DLGAP2: variants seen among roughly 807,000 people sequenced by gnomAD.
The protein encoded by DLGAP2 is disks large-associated protein 2.
DLGAP2 carries 26 observed loss-of-function variants against 100.3 expected under a neutral mutation model. The ratio of observed to expected loss-of-function variants is 0.26; its 90% confidence interval spans 0.19 to 0.36. DLGAP2 has a LOEUF of 0.36. Ranked by LOEUF, DLGAP2 falls within the 10% of genes least tolerant of loss-of-function variation. The probability of loss-of-function intolerance (pLI) is 1.00; values close to 1 mark genes in which losing one functional copy is unlikely to be tolerated. For missense variants in DLGAP2, 1,858 were observed against 1,453.2 expected, an observed-to-expected ratio of 1.28 and a Z score of -4.53; for synonymous variants, 886 against 630.1, an observed-to-expected ratio of 1.41 and a Z score of -6.08.
intron 1 of DLGAP2, chr8:739,291 G>C (rs915289839): frequency 1.7e-4 from 26 of 152,280 alleles, no homozygotes; most frequent in Admixed American, 1.5e-3. Context: ...GGCGGACAGA[G>C]ACCCGGTCCC....
intron 6 of DLGAP2, among the ~76,000 whole-genome samples, chr8:1,572,296 C>T (rs1275583452): frequency 4.9e-5 from 4 of 81,182 alleles, no homozygotes; most frequent in Admixed American, 1.7e-4. Flanking sequence ...ACTGTGGGGG[C>T]ATCTGATGAG....
At chr8:1,271,707 G>C (rs376282163) in intron 3 of DLGAP2, among the ~76,000 whole-genome samples, 6 of 152,220 alleles carry the variant, frequency 3.9e-5, no homozygotes, top group East Asian at 1.9e-4. Flanking sequence ...CAGGGCTCAG[G>C]GGGAGGGGAA....
At chr8:1,088,431 A>G (rs1005018319) in intron 2 of DLGAP2, among the ~76,000 whole-genome samples, 7 of 152,092 alleles carry the variant, frequency 4.6e-5, no homozygotes, top group African/African-American at 1.4e-4. Context: ...TCCATCTTCT[A>G]TGGCAGTTGA....
At chr8:971,221 A>C (rs1300734689) in intron 2 of DLGAP2, among the ~76,000 whole-genome samples, 1 of 152,220 alleles carries the variant, frequency 6.6e-6, no homozygotes, top group African/African-American at 2.4e-5. Context: ...TGTATCCAGA[A>C]TTCATAAAGA....
At chr8:1,050,803 G>A (rs1274838141) in intron 2 of DLGAP2, among the ~76,000 whole-genome samples, 3 of 152,206 alleles carry the variant, frequency 2.0e-5, no homozygotes, top group Non-Finnish European at 4.4e-5. Context: ...GAGTCAGGAG[G>A]TCTGTGGAGG....
chr8:1,186,891 C>T (rs143110460), intron 2 of DLGAP2, among the ~76,000 whole-genome samples: 140 of 152,276 alleles, frequency 9.2e-4, no homozygotes, highest in Non-Finnish European at 1.4e-3. Flanking sequence ...CTACCGCATC[C>T]ACCCCATATC....
At chr8:1,141,244 G>C (rs960866570) in intron 2 of DLGAP2, among the ~76,000 whole-genome samples, 2 of 152,146 alleles carry the variant, frequency 1.3e-5, no homozygotes, top group Non-Finnish European at 2.9e-5. Flanking sequence ...TTAGAGAAAG[G>C]TGTTCGTTTC....
At chr8:1,374,829 G>T (rs1325667914) in intron 3 of DLGAP2, among the ~76,000 whole-genome samples, 12 of 152,178 alleles carry the variant, frequency 7.9e-5, no homozygotes. Context: ...GGCCACTCAG[G>T]AAAGCAACTG....
At chr8:1,554,757 C>G (rs1264751451) in intron 5 of DLGAP2, among the ~76,000 whole-genome samples, 5 of 152,080 alleles carry the variant, frequency 3.3e-5, no homozygotes, top group Non-Finnish European at 7.4e-5. Flanking sequence ...GCAGGAAGGA[C>G]CCACGCGCCC....
At chr8:1,125,556 G>T (rs937277538) in intron 2 of DLGAP2, among the ~76,000 whole-genome samples, 1 of 151,978 alleles carries the variant, frequency 6.6e-6, no homozygotes, top group African/African-American at 2.4e-5. Flanking sequence ...TTAAAAATAG[G>T]GGCTATTTCT....
intron 2 of DLGAP2, chr8:1,003,298 C>A (rs1481884599): frequency 6.6e-6 from 1 of 152,316 alleles, no homozygotes; most frequent in African/African-American, 2.4e-5. Flanking sequence ...TATGGCCTCA[C>A]TATCAGGTGG....
At chr8:987,488 C>T (rs1385988501) in intron 2 of DLGAP2, among the ~76,000 whole-genome samples, 1 of 152,194 alleles carries the variant, frequency 6.6e-6, no homozygotes, top group Non-Finnish European at 1.5e-5. Context: ...AGGCCCAGCA[C>T]AGTTCTGCCG....
intron 1 of DLGAP2, among the ~76,000 whole-genome samples, chr8:810,901 C>G (rs539834024): frequency 6.6e-6 from 1 of 152,244 alleles, no homozygotes; most frequent in East Asian, 1.9e-4. Context: ...GATCCTTTGT[C>G]AATGTTGACA....
At position 1,071,764 on chromosome 8, in the gene DLGAP2, T is replaced by G. The variant is rs549382924; in HGVS notation, c.73+163798T>G. Among the ~76,000 whole-genome samples the G allele has an allele frequency of 2.6e-5, 4 of 152,354 alleles. No individual in the cohort carries two copies. In the South Asian group the frequency reaches 6.2e-4, roughly 24 times the overall value. ...TTTTCCTAATATGTGTGTGTATAGATAAATGTCAGTGAAGTGAATATGTGT... is the reference window on the plus strand; with the variant it reads ...TTTTCCTAATATGTGTGTGTATAGAGAAATGTCAGTGAAGTGAATATGTGT... On this transcript the variant is annotated intron_variant, in intron 2 of 14. Coordinates refer to ENST00000637795, the MANE Select transcript of DLGAP2 (RefSeq NM_001346810.2).
intron 2 of DLGAP2, among the ~76,000 whole-genome samples, chr8:1,072,116 A>C (rs1431201685): frequency 6.6e-6 from 1 of 152,136 alleles, no homozygotes; most frequent in Non-Finnish European, 1.5e-5. Flanking sequence ...TGTGCCACCA[A>C]CCACCGTCAA....
chr8:880,496 G>A (rs1428071624), intron 1 of DLGAP2, among the ~76,000 whole-genome samples: 15 of 129,812 alleles, frequency 1.2e-4, no homozygotes, highest in Admixed American at 3.0e-4. Context: ...GGGAGACTTT[G>A]TAGGTGGGTC....
chr8:1,426,708 A>G (rs987624682), intron 3 of DLGAP2, among the ~76,000 whole-genome samples: 1 of 152,212 alleles, frequency 6.6e-6, no homozygotes, highest in Admixed American at 6.5e-5. Context: ...CCAACAATAG[A>G]TTCTTCGTTA....
chr8:1,422,528 A>G (rs976595476), intron 3 of DLGAP2, among the ~76,000 whole-genome samples: 1 of 151,384 alleles, frequency 6.6e-6, no homozygotes, highest in Non-Finnish European at 1.5e-5. Context: ...CCATGAAGGC[A>G]GAAGAGTGTT....
intron 2 of DLGAP2, among the ~76,000 whole-genome samples, chr8:940,277 G>A (rs1283283681): frequency 1.3e-5 from 2 of 152,070 alleles, no homozygotes; most frequent in African/African-American, 4.8e-5. Context: ...AGGTGGCCAG[G>A]ATGGGCAGAG....
Sources: allele counts gnomAD v4.1 joint callset (sites outside exome capture counted in the v4.1 genomes callset), GRCh38; gene constraint gnomAD v4.1.1; transcripts MANE v1.5; gene names NCBI Gene and HGNC (gene_info 2026-07-23, HGNC 2026-07-21).